SUMF1: variants seen among roughly 807,000 people sequenced by gnomAD.
SUMF1 encodes the protein sulfatase modifying factor 1.
SUMF1 carries 48 observed loss-of-function variants against 47.6 expected under a neutral mutation model. That is an observed-to-expected ratio of 1.01 (90% confidence interval 0.80 to 1.28). The LOEUF (loss-of-function observed/expected upper bound fraction) is 1.28. Among genes scored for constraint, SUMF1 ranks in the 50% most tolerant of loss-of-function variants. The pLI is 0.00. For missense variants in SUMF1, 571 were observed against 485.4 expected, an observed-to-expected ratio of 1.18 and a Z score of -1.66; for synonymous variants, 230 against 192.1, an observed-to-expected ratio of 1.20 and a Z score of -1.63.
chr3:4,178,353 T>A (rs890367835), intron 8 of SUMF1, among the ~76,000 whole-genome samples: 1 of 152,148 alleles, frequency 6.6e-6, no homozygotes, highest in Non-Finnish European at 1.5e-5. Flanking sequence ...ACAATCAATT[T>A]GGCTTCATCC....
intron 8 of SUMF1, among the ~76,000 whole-genome samples, chr3:4,311,954 T>C (rs1254092405): frequency 1.3e-5 from 2 of 152,216 alleles, no homozygotes; most frequent in African/African-American, 4.8e-5. Context: ...TAACCAGAGA[T>C]CAGGCTTCAC....
intron 8 of SUMF1, among the ~76,000 whole-genome samples, chr3:4,143,846 G>T (rs566100316): frequency 3.9e-5 from 6 of 152,176 alleles, no homozygotes; most frequent in Non-Finnish European, 7.4e-5. Context: ...TTAGAATTGT[G>T]GAATTTCAGG....
intron 8 of SUMF1, among the ~76,000 whole-genome samples, chr3:4,130,945 G>A (rs922906846): frequency 6.6e-6 from 1 of 152,106 alleles, no homozygotes; most frequent in Non-Finnish European, 1.5e-5. Flanking sequence ...TGTCTGACAG[G>A]TAGGGATGCT....
chr3:4,237,785 C>G (rs1696441054), intron 8 of SUMF1, among the ~76,000 whole-genome samples: 1 of 151,084 alleles, frequency 6.6e-6, no homozygotes, highest in African/African-American at 2.4e-5. Flanking sequence ...AGATCTATAG[C>G]CCATTTTTTA....
At chr3:4,137,444 G>T (rs1189375334) in intron 8 of SUMF1, among the ~76,000 whole-genome samples, 1 of 149,278 alleles carries the variant, frequency 6.7e-6, no homozygotes, top group African/African-American at 2.5e-5. Context: ...GACACAGAAA[G>T]TGGAACATCA....
chr3:4,255,226 C>G (rs1696922277), intron 8 of SUMF1, among the ~76,000 whole-genome samples: 1 of 130,910 alleles, frequency 7.6e-6, no homozygotes. Flanking sequence ...AAATCACCAG[C>G]TAACATCATA....
At chr3:4,216,529 A>G (rs1042268267) in intron 8 of SUMF1, among the ~76,000 whole-genome samples, 1 of 152,232 alleles carries the variant, frequency 6.6e-6, no homozygotes, top group Non-Finnish European at 1.5e-5. Context: ...ACAAAAGCCA[A>G]AATAAACAAA....
intron 8 of SUMF1, among the ~76,000 whole-genome samples, chr3:4,249,753 AG>A (rs1471158872): frequency 6.6e-6 from 1 of 152,230 alleles, no homozygotes; most frequent in African/African-American, 2.4e-5. Flanking sequence ...TTAGTGAAAA[AG>A]GCACATTGAA....
chr3:4,169,091 A>T (rs1372822635), intron 8 of SUMF1, among the ~76,000 whole-genome samples: 2 of 152,182 alleles, frequency 1.3e-5, no homozygotes, highest in East Asian at 3.9e-4. Flanking sequence ...TAAGGCAAAG[A>T]TGTCTCTATG....
chr3:4,074,912 C>T (rs1087830), intron 8 of SUMF1, among the ~76,000 whole-genome samples: 280 of 151,830 alleles, frequency 1.8e-3, no homozygotes, highest in African/African-American at 6.4e-3. Context: ...TTCCACCAGA[C>T]GTACAAAAAG....
At chr3:4,401,923 G>C (rs1330532642) in intron 7 of SUMF1, among the ~76,000 whole-genome samples, 1 of 152,146 alleles carries the variant, frequency 6.6e-6, no homozygotes, top group Non-Finnish European at 1.5e-5. Flanking sequence ...CTGAAGTAAG[G>C]AAGACAGTTT....
intron 8 of SUMF1, among the ~76,000 whole-genome samples, chr3:4,192,367 C>G (rs2125144051): frequency 6.6e-6 from 1 of 152,098 alleles, no homozygotes; most frequent in South Asian, 2.1e-4. Flanking sequence ...GAATATAAAG[C>G]CAAATTATTT....
intron 9 of SUMF1, among the ~76,000 whole-genome samples, chr3:4,058,917 TG>T (rs1574849435): frequency 6.6e-6 from 1 of 152,148 alleles, no homozygotes; most frequent in Non-Finnish European, 1.5e-5. Context: ...GAGGCTTTGT[TG>T]GAAACCAATG....
chr3:4,361,362 G>A lies in SUMF1; in HGVS notation c.*782C>T, dbSNP rs1699750277. On this transcript the variant is annotated 3_prime_UTR_variant, in exon 9 of 9. Transcript: ENST00000272902. ...TCGCTGAAGGCTTTGGGGAGAGGGG[G>A]AAACAGAGCTTATGACTGCCCCTCT... 6.6e-6 allele frequency: 1 copy of A among 152,588 alleles called. No homozygotes were observed. The highest frequency in any genetic ancestry group is 1.5e-5 in the Non-Finnish European group (1 of 68,050). The allele number at this position is 152,588 out of a possible 1,614,324, so 9.5% of individuals were successfully genotyped here. A position where few individuals can be genotyped will look rare whatever the true frequency, so the allele number is the denominator to read the frequency against.
chr3:4,063,145 G>A (rs1485654042), intron 9 of SUMF1, among the ~76,000 whole-genome samples: 2 of 152,038 alleles, frequency 1.3e-5, no homozygotes, highest in African/African-American at 2.4e-5. Context: ...AGACACTAAG[G>A]TTAAAGAAAC....
intron 8 of SUMF1, among the ~76,000 whole-genome samples, chr3:4,239,573 T>C (rs1290010136): frequency 6.6e-6 from 1 of 151,478 alleles, no homozygotes; most frequent in Non-Finnish European, 1.5e-5. Context: ...TGGCTCTCTG[T>C]CTGTTATTGG....
At chr3:4,176,552 A>C (rs971371288) in intron 8 of SUMF1, among the ~76,000 whole-genome samples, 1 of 152,198 alleles carries the variant, frequency 6.6e-6, no homozygotes, top group Non-Finnish European at 1.5e-5. Flanking sequence ...TAAACATGGA[A>C]AGGAACAACC....
intron 7 of SUMF1, among the ~76,000 whole-genome samples, chr3:4,377,489 C>T (rs765682807): frequency 1.3e-5 from 2 of 152,168 alleles, no homozygotes; most frequent in South Asian, 2.1e-4. Flanking sequence ...AGAGTCCATG[C>T]TCTGAGGCAC....
intron 8 of SUMF1, among the ~76,000 whole-genome samples, chr3:4,132,683 C>T (rs558449292): frequency 1.3e-5 from 2 of 152,070 alleles, no homozygotes; most frequent in Non-Finnish European, 2.9e-5. Context: ...TTCCATTAAA[C>T]TGGAAGTTAA....
Sources: allele counts gnomAD v4.1 joint callset (sites outside exome capture counted in the v4.1 genomes callset), GRCh38; gene constraint gnomAD v4.1.1; transcripts MANE v1.5; gene names NCBI Gene and HGNC (gene_info 2026-07-23, HGNC 2026-07-21).